Variants in OXCT1 observed in about 807,000 individuals in gnomAD.
OXCT1 encodes the protein succinyl-CoA:3-ketoacid coenzyme A transferase 1, mitochondrial.
In OXCT1, 27 loss-of-function variants were observed where a neutral mutation model predicts 69.6. That is an observed-to-expected ratio of 0.39 (90% CI 0.29 to 0.54). OXCT1 has a LOEUF of 0.54. Ranked by LOEUF, OXCT1 falls within the 20% of genes least tolerant of loss-of-function variation. OXCT1 has a pLI of 0.72. For missense variants in OXCT1, 437 were observed against 650.2 expected (o/e 0.67, Z 3.57); for synonymous variants, 202 against 217.8 (o/e 0.93, Z 0.64).
intron 7 of OXCT1, among the ~76,000 whole-genome samples, chr5:41,816,146 C>T (rs903135173): frequency 1.3e-5 from 2 of 152,136 alleles, no homozygotes; most frequent in Non-Finnish European, 2.9e-5. Context: ...ATTAGAAGAG[C>T]TTTACTTTAT....
At chr5:41,746,299 T>A (rs944639442) in intron 15 of OXCT1, among the ~76,000 whole-genome samples, 3 of 151,944 alleles carry the variant, frequency 2.0e-5, no homozygotes, top group Non-Finnish European at 4.4e-5. Context: ...AAGGAACGCA[T>A]CTTTCATTAC....
chr5:41,758,107 A>C (rs939823189), intron 14 of OXCT1, among the ~76,000 whole-genome samples: 2 of 152,062 alleles, frequency 1.3e-5, no homozygotes, highest in Non-Finnish European at 2.9e-5. Context: ...GTAGAAATAC[A>C]TAGTGGGGAG....
At chr5:41,851,095 A>G (rs1328220242) in intron 4 of OXCT1, among the ~76,000 whole-genome samples, 1 of 152,214 alleles carries the variant, frequency 6.6e-6, no homozygotes, top group African/African-American at 2.4e-5. Context: ...CAGGAGTTTG[A>G]GTCCAGCCTG....
In OXCT1 at chr5:41,853,460, G is replaced by C. The variant is rs773928226; in HGVS notation, c.373C>G (p.Gln125Glu). 7.4e-6 allele frequency: 12 copies of C among 1,613,720 alleles called. No individual in the cohort carries two copies. Among genetic ancestry groups the C allele is most frequent in the Non-Finnish European group, 1.0e-5 (12 of 1,179,800 alleles). The change falls in exon 4 of 17, where the codon CAG becomes GAG. Residue 125 changes from glutamine (Q) to glutamate (E), a missense_variant. Physicochemically the swap from Gln to Glu is conservative, Grantham distance 29. Around this residue, in one of 4 missense-constraint regions of OXCT1, gnomAD observed 252 missense variants for 397.4 expected, o/e 0.63. Coordinates refer to ENST00000196371, the MANE Select transcript of OXCT1 (RefSeq NM_000436.4). ...YVGENAEFER[Q>E]YLSGELEVEL... Reference sequence around the variant, plus strand: ...ACTTCTAATTCACCAGATAAGTACTGTCGTTCAAATTCTGCATTTTCTCCC... The same window carrying C: ...ACTTCTAATTCACCAGATAAGTACTCTCGTTCAAATTCTGCATTTTCTCCC...
At chr5:41,833,550 G>A (rs1217418559) in intron 7 of OXCT1, among the ~76,000 whole-genome samples, 2 of 145,264 alleles carry the variant, frequency 1.4e-5, no homozygotes, top group African/African-American at 2.5e-5. Context: ...GAATGTTAAT[G>A]AGCAAACAAG....
At chr5:41,784,278 T>C (rs947563650) in intron 13 of OXCT1, among the ~76,000 whole-genome samples, 8 of 152,206 alleles carry the variant, frequency 5.3e-5, no homozygotes, top group African/African-American at 1.9e-4. Flanking sequence ...AAGTACTTCA[T>C]ATATGACATT....
At position 41,773,174 on chromosome 5, in the gene OXCT1, C is replaced by T. The variant is rs146853049; in HGVS notation, c.1249-10974G>A. 8.3e-4 allele frequency among the ~76,000 whole-genome samples: 126 copies of T among 152,232 alleles called. 1 individual carries two copies. The highest frequency in any genetic ancestry group is 2.9e-3 in the African/African-American group (119 of 41,550). On this transcript the variant is annotated intron_variant, in intron 13 of 16. Transcript: ENST00000196371. ...TTTCTACCTTATCTTTTTAAGTCAA[C>T]AGTGCCAGGCAATCTATAAGATGGG...
chr5:41,770,933 A>C (rs1445244318), intron 13 of OXCT1, among the ~76,000 whole-genome samples: 1 of 152,184 alleles, frequency 6.6e-6, no homozygotes, highest in Non-Finnish European at 1.5e-5. Flanking sequence ...CAGAAACTAT[A>C]CCAAAACCAC....
chr5:41,787,770 T>C, intron 13 of OXCT1, among the ~76,000 whole-genome samples: 1 of 151,538 alleles, frequency 6.6e-6, no homozygotes, highest in East Asian at 1.9e-4. Flanking sequence ...ACTTTCTCAG[T>C]AGTGGGGCTA....
At chr5:41,749,436 G>T in intron 15 of OXCT1, 91 bp downstream of exon 15, 1 of 744,686 alleles carries the variant, frequency 1.3e-6, no homozygotes. Flanking sequence ...TTAATCCTAT[G>T]ACTACTGGTG....
Position 41,762,043 on chromosome 5 carries a change from T to C in OXCT1, c.1338+68A>G. 1 of 992,284 alleles carries C rather than the reference T, an allele frequency of 1.0e-6. No individual in the cohort carries two copies. The highest frequency in any genetic ancestry group is 2.4e-5 in the East Asian group (1 of 42,026). 61.5% of individuals were successfully genotyped at this position (992,284 alleles called of 1,614,324 possible). On this transcript the variant is annotated intron_variant, in intron 14 of 16. Coordinates refer to ENST00000196371, the MANE Select transcript of OXCT1 (RefSeq NM_000436.4). The surrounding 1 kb of genome is among the most constrained non-coding windows in gnomAD (Gnocchi z 4.0). ...TAAAATCCACAGTTAGGTGACCTGG[T>C]GGTACACTGGGTTTTGATGTATTGC...
At chr5:41,744,799 G>T (rs908963592) in intron 15 of OXCT1, among the ~76,000 whole-genome samples, 2 of 151,860 alleles carry the variant, frequency 1.3e-5, no homozygotes, top group Non-Finnish European at 2.9e-5. Flanking sequence ...CAGACTTTAA[G>T]CCAACAAAGA....
At chr5:41,776,238 C>T (rs958400033) in intron 13 of OXCT1, among the ~76,000 whole-genome samples, 1 of 151,744 alleles carries the variant, frequency 6.6e-6, no homozygotes, top group Non-Finnish European at 1.5e-5. Context: ...GACAAAGTTA[C>T]GAAAAACAAG....
intron 7 of OXCT1, among the ~76,000 whole-genome samples, chr5:41,822,004 T>C (rs907009549): frequency 2.6e-5 from 4 of 152,084 alleles, no homozygotes; most frequent in African/African-American, 7.2e-5. Flanking sequence ...GCATGGCCAC[T>C]TTTTTCTTAT....
rs551164215 is a variant in OXCT1 at position 41,823,519 on chromosome 5, G to A, written c.733-16081C>T. 2.6e-5 allele frequency among the ~76,000 whole-genome samples: 4 copies of A among 152,314 alleles called. No individual in the cohort carries two copies. In the South Asian group the frequency reaches 8.3e-4, roughly 32 times the overall value. On this transcript the variant is annotated intron_variant, in intron 7 of 16. Transcript: ENST00000196371. ...TTTCTGCTACTAGGCTTCTGCTCCA[G>A]TCAGTTGTGATTCTCCGTATTAGCC...
chr5:41,744,847 G>A (rs1743385420), intron 15 of OXCT1, among the ~76,000 whole-genome samples: 1 of 152,066 alleles, frequency 6.6e-6, no homozygotes, highest in South Asian at 2.1e-4. Flanking sequence ...TAATGGTAAA[G>A]GGATCAATTC....
chr5:41,836,073 G>A (rs1412835355), intron 7 of OXCT1, among the ~76,000 whole-genome samples: 1 of 152,160 alleles, frequency 6.6e-6, no homozygotes, highest in Non-Finnish European at 1.5e-5. Flanking sequence ...CTGAGAAACA[G>A]CCAAATTAGT....
chr5:41,864,528 G>C (rs557654329), intron 1 of OXCT1, among the ~76,000 whole-genome samples: 1 of 152,278 alleles, frequency 6.6e-6, no homozygotes, highest in African/African-American at 2.4e-5. Context: ...AATTACAAGT[G>C]TGATAGCCTG....
intron 7 of OXCT1, among the ~76,000 whole-genome samples, chr5:41,835,504 C>G (rs1236324429): frequency 1.3e-5 from 2 of 152,072 alleles, no homozygotes; most frequent in African/African-American, 4.8e-5. Flanking sequence ...ATGGGTTCAC[C>G]GATATTCAAT....
Sources: allele counts gnomAD v4.1 joint callset (sites outside exome capture counted in the v4.1 genomes callset), GRCh38; gene constraint gnomAD v4.1.1; regional missense constraint gnomAD v4.1.1; non-coding constraint Gnocchi (gnomAD v3.1); transcripts MANE v1.5; gene names NCBI Gene and HGNC (gene_info 2026-07-23, HGNC 2026-07-21).